CHIC1: variants seen among roughly 807,000 people sequenced by gnomAD.
The protein encoded by CHIC1 is cysteine-rich hydrophobic domain-containing protein 1.
CHIC1 carries 7 observed loss-of-function variants against 18.5 expected under a neutral mutation model. The observed-to-expected ratio is 0.38, with a 90% CI of 0.22 to 0.71. The LOEUF is 0.71. Ranked by LOEUF, CHIC1 falls within the 30% of genes least tolerant of loss-of-function variation. The probability of loss-of-function intolerance (pLI) is 0.49; values close to 1 mark genes in which losing one functional copy is unlikely to be tolerated. For synonymous variants in CHIC1, 77 were observed against 73.5 expected (o/e 1.05, Z -0.25); for missense variants, 159 against 176.9 (o/e 0.90, Z 0.57).
intron 3 of CHIC1, among the ~76,000 whole-genome samples, chrX:73,615,790 G>T (rs1048231529): frequency 1.8e-5 from 2 of 111,030 alleles, no homozygotes; most frequent in Non-Finnish European, 3.8e-5. Context: ...TTTGGCTGGG[G>T]GCAACAGTGA....
chrX:73,650,791 A>G (rs1379911798), intron 3 of CHIC1, among the ~76,000 whole-genome samples: 1 of 110,712 alleles, frequency 9.0e-6, no homozygotes, highest in Non-Finnish European at 1.9e-5. Context: ...ATTTCTTCTG[A>G]AACTATTCCA....
At chrX:73,669,992 G>A (rs1006505791) in intron 3 of CHIC1, among the ~76,000 whole-genome samples, 1 of 111,909 alleles carries the variant, frequency 8.9e-6, no homozygotes, top group African/African-American at 3.2e-5. Context: ...CTTTGTGCAT[G>A]CCAGAGCAGC....
intron 3 of CHIC1, among the ~76,000 whole-genome samples, chrX:73,656,779 A>T (rs1448926781): frequency 8.9e-6 from 1 of 112,230 alleles, no homozygotes; most frequent in Non-Finnish European, 1.9e-5. Flanking sequence ...AGCCTTGGCC[A>T]TTCAAGCTCT....
intron 3 of CHIC1, among the ~76,000 whole-genome samples, chrX:73,594,725 G>A (rs2057598843): frequency 9.0e-6 from 1 of 110,989 alleles, no homozygotes; most frequent in Non-Finnish European, 1.9e-5. Flanking sequence ...ACCCCAAATA[G>A]GAACTCTATA....
chrX:73,576,321 CT>C (rs1166048258), intron 1 of CHIC1, among the ~76,000 whole-genome samples: 1 of 110,665 alleles, frequency 9.0e-6, no homozygotes, highest in Non-Finnish European at 1.9e-5. Flanking sequence ...ATGTGCTATA[CT>C]TTGCTATGGT....
intron 3 of CHIC1, among the ~76,000 whole-genome samples, chrX:73,601,563 G>T (rs1453499894): frequency 9.4e-6 from 1 of 106,338 alleles, no homozygotes; most frequent in Non-Finnish European, 1.9e-5. Context: ...TCAAAGCAGT[G>T]TGTGGAGGGA....
intron 3 of CHIC1, among the ~76,000 whole-genome samples, chrX:73,673,289 TC>T (rs1383111937): frequency 8.9e-6 from 1 of 111,906 alleles, no homozygotes; most frequent in Non-Finnish European, 1.9e-5. Context: ...GTGAAGAAAG[TC>T]CTTGGTAACT....
intron 3 of CHIC1, among the ~76,000 whole-genome samples, chrX:73,645,669 G>A (rs1028943445): frequency 4.5e-5 from 5 of 111,568 alleles, no homozygotes; most frequent in African/African-American, 1.3e-4. Context: ...TAGTGATGTT[G>A]AGCACCTTTT....
At chrX:73,604,989 G>A (rs192344505) in intron 3 of CHIC1, among the ~76,000 whole-genome samples, 1 of 108,850 alleles carries the variant, frequency 9.2e-6, no homozygotes, top group Admixed American at 9.7e-5. Context: ...ACTTGGGGTG[G>A]AGAGTTGTGT....
chrX:73,643,704 G>A (rs2057871390), intron 3 of CHIC1, among the ~76,000 whole-genome samples: 2 of 111,601 alleles, frequency 1.8e-5, no homozygotes, highest in South Asian at 3.8e-4. Flanking sequence ...GTCGAGCCTT[G>A]GCTTTCAGCT....
chrX:73,672,157 C>G (rs1173958247), intron 3 of CHIC1, among the ~76,000 whole-genome samples: 1 of 111,761 alleles, frequency 8.9e-6, no homozygotes, highest in East Asian at 2.9e-4. Context: ...TTTTCTTAAT[C>G]CAGTCTATTG....
chrX:73,620,751 G>T (rs184041933), intron 3 of CHIC1, among the ~76,000 whole-genome samples: 223 of 112,029 alleles, frequency 2.0e-3, no homozygotes, highest in African/African-American at 6.8e-3. Flanking sequence ...TGGTTTTGGT[G>T]TTTTAGTCAT....
At chrX:73,624,187 A>T (rs1339697605) in intron 3 of CHIC1, among the ~76,000 whole-genome samples, 1 of 110,915 alleles carries the variant, frequency 9.0e-6, no homozygotes, top group South Asian at 3.9e-4. Context: ...TAATCCAAAC[A>T]TGCAAAGAGC....
chrX:73,603,686 G>A (rs1267887474), intron 3 of CHIC1, among the ~76,000 whole-genome samples: 4 of 108,541 alleles, frequency 3.7e-5, no homozygotes, highest in African/African-American at 1.1e-4. Context: ...TTAATACCTT[G>A]TTTATGGAGA....
chrX:73,661,654 A>G (rs2147618604), intron 3 of CHIC1, among the ~76,000 whole-genome samples: 1 of 111,796 alleles, frequency 8.9e-6, no homozygotes, highest in East Asian at 2.8e-4. Context: ...AAGTGCACAC[A>G]GGGTGGGCTC....
chrX:73,655,928 A>G (rs2057946770), intron 3 of CHIC1, among the ~76,000 whole-genome samples: 1 of 111,017 alleles, frequency 9.0e-6, no homozygotes, highest in Non-Finnish European at 1.9e-5. Flanking sequence ...ACTCCCACCA[A>G]TGGTGTAAAA....
intron 3 of CHIC1, among the ~76,000 whole-genome samples, chrX:73,612,163 T>G (rs1689702184): frequency 8.9e-6 from 1 of 111,754 alleles, no homozygotes; most frequent in Non-Finnish European, 1.9e-5. Context: ...GGTCTAACAT[T>G]TAAGTCTTTA....
intron 3 of CHIC1, among the ~76,000 whole-genome samples, chrX:73,589,271 A>G (rs938331251): frequency 2.0e-4 from 22 of 111,000 alleles, no homozygotes; most frequent in Middle Eastern, 4.6e-3. Context: ...CCCATAACAC[A>G]TAAGGAAGGA....
chrX:73,644,592 C>T (rs1163639343), intron 3 of CHIC1, among the ~76,000 whole-genome samples: 1 of 112,554 alleles, frequency 8.9e-6, no homozygotes, highest in Non-Finnish European at 1.9e-5. Flanking sequence ...TGGCAGGCGC[C>T]CCTCCCCCAG....
Sources: gnomAD v4.1 joint callset for allele counts (sites outside exome capture counted in the v4.1 genomes callset) on GRCh38, gnomAD v4.1.1 for gene constraint, MANE v1.5 for transcripts, NCBI Gene and HGNC (gene_info 2026-07-23, HGNC 2026-07-21) for gene names.